The following PPME1 variants were observed in gnomAD, a reference collection of about 807,000 sequenced individuals.
The protein encoded by PPME1 is protein phosphatase methylesterase 1, also known as testicular secretory protein Li 39.
PPME1 carries 17 observed loss-of-function variants against 56.9 expected under a neutral mutation model. The observed-to-expected ratio is 0.30, with a 90% CI of 0.20 to 0.45. The LOEUF is 0.45. Among genes scored for constraint, PPME1 ranks in the 20% least tolerant of loss-of-function variants. PPME1 has a pLI of 1.00. For synonymous variants in PPME1, 122 were observed against 156.2 expected, an observed-to-expected ratio of 0.78 and a Z score of 1.63; for missense variants, 357 against 483.2, an observed-to-expected ratio of 0.74 and a Z score of 2.45.
At position 74,239,167 on chromosome 11, in the gene PPME1, T is replaced by C. The variant is rs768700784; in HGVS notation, c.745T>C (p.Ser249Pro). ...EGITSPEGSK[S>P]IVEGIIEEEE... ...AATTACAAGTCCAGAAGGCTCAAAA[T>C]CTATAGTGGAAGGAATCATAGAGGA... Residue 249 changes from serine (S) to proline (P), a missense_variant, in exon 9 of 14, where the codon TCT (serine) becomes CCT (proline). Transcript: ENST00000328257. The C allele has an allele frequency of 3.1e-6, 5 of 1,613,232 alleles. No individual in the cohort carries two copies. The African/African-American group carries it at 6.7e-5, about 22-fold the overall frequency.
chr11:74,222,258 G>C (rs1858818405), intron 3 of PPME1, 54 bp from the exon 4 acceptor site: 2 of 1,333,958 alleles, frequency 1.5e-6, no homozygotes, highest in Non-Finnish European at 2.1e-6. Flanking sequence ...ATTGGGAATT[G>C]GGTGAAATTT....
chr11:74,227,214 C>A (rs1858952842), intron 5 of PPME1, among the ~76,000 whole-genome samples: 2 of 152,254 alleles, frequency 1.3e-5, no homozygotes, highest in East Asian at 3.9e-4. Context: ...TAGCACCCTC[C>A]ATTAACATAG....
chr11:74,177,853 G>C (rs758858526), intron 1 of PPME1, among the ~76,000 whole-genome samples: 1 of 152,092 alleles, frequency 6.6e-6, no homozygotes, highest in Non-Finnish European at 1.5e-5. Context: ...CAGATTCCAA[G>C]TATTGACCTA....
At chr11:74,173,378 C>T (rs887982216) in intron 1 of PPME1, among the ~76,000 whole-genome samples, 1 of 151,886 alleles carries the variant, frequency 6.6e-6, no homozygotes, top group African/African-American at 2.4e-5. Context: ...ATTATACATT[C>T]CTTAGATAAG....
At chr11:74,186,254 T>A (rs779792357) in intron 1 of PPME1, among the ~76,000 whole-genome samples, 5 of 152,160 alleles carry the variant, frequency 3.3e-5, no homozygotes, top group Non-Finnish European at 7.4e-5. Flanking sequence ...TCATAATAGT[T>A]CTAAACCTTG....
At chr11:74,220,538 A>G (rs941290019) in intron 3 of PPME1, among the ~76,000 whole-genome samples, 2 of 152,206 alleles carry the variant, frequency 1.3e-5, no homozygotes, top group East Asian at 1.9e-4. Context: ...TGGCTCTGTC[A>G]CTTATTAGCT....
chr11:74,222,390 G>C, intron 4 of PPME1, 21 bp downstream of exon 4: 1 of 1,570,956 alleles, frequency 6.4e-7, no homozygotes, highest in Middle Eastern at 1.7e-4. Context: ...TTCTTAATTA[G>C]CCATTAACTG....
At chr11:74,224,156 A>G (rs1591051425) in intron 4 of PPME1, among the ~76,000 whole-genome samples, 2 of 148,656 alleles carry the variant, frequency 1.3e-5, no homozygotes, top group Admixed American at 1.3e-4. Flanking sequence ...TCAGCTTTCT[A>G]CATATGGCTA....
Position 74,251,664 on chromosome 11 carries a change from C to G in PPME1, c.1091C>G (p.Ala364Gly), listed in dbSNP as rs758544967. Residue 364 changes from alanine (A) to glycine (G), a missense_variant, in exon 13 of 14, where the codon GCC becomes GGC. Transcript: ENST00000328257. ...CATTTCCAGGTAGCTGAAGCTGTTG[C>G]CACTTTCCTGATCCGGCACAGGTTT... The part of the protein sequence containing the change: ...DAPDKVAEAV[A>G]TFLIRHRFAE... 3.1e-6 allele frequency: 5 copies of G among 1,613,628 alleles called. No individual in the cohort carries two copies. Among genetic ancestry groups the G allele is most frequent in the African/African-American group, 2.7e-5 (2 of 74,928 alleles).
chr11:74,234,228 C>T (rs1449663452), intron 7 of PPME1, among the ~76,000 whole-genome samples: 2 of 152,126 alleles, frequency 1.3e-5, no homozygotes, highest in Non-Finnish European at 2.9e-5. Flanking sequence ...TTTGGATAAA[C>T]TCAAATGCTT....
At chr11:74,220,175 A>G (rs766848996) in intron 3 of PPME1, among the ~76,000 whole-genome samples, 1 of 152,184 alleles carries the variant, frequency 6.6e-6, no homozygotes, top group African/African-American at 2.4e-5. Flanking sequence ...ATAAACCTCT[A>G]AGAACCTGTT....
intron 3 of PPME1, among the ~76,000 whole-genome samples, chr11:74,220,522 G>A (rs1429638250): frequency 1.3e-5 from 2 of 152,190 alleles, no homozygotes; most frequent in African/African-American, 4.8e-5. Flanking sequence ...GCTTGGATTT[G>A]AAAATTGGCT....
At chr11:74,208,960 A>G (rs1220316700) in intron 3 of PPME1, among the ~76,000 whole-genome samples, 1 of 152,212 alleles carries the variant, frequency 6.6e-6, no homozygotes, top group African/African-American at 2.4e-5. Context: ...TAGTTGTATA[A>G]TATATGATGA....
chr11:74,172,185 C>T (rs1165150135), intron 1 of PPME1, among the ~76,000 whole-genome samples: 1 of 151,952 alleles, frequency 6.6e-6, no homozygotes, highest in Non-Finnish European at 1.5e-5. Context: ...GAGAACATAG[C>T]CACGAAGATT....
At position 74,171,465 on chromosome 11, in the gene PPME1, C is replaced by G. The variant is rs763179389; in HGVS notation, c.44C>G (p.Ser15Cys). The part of the protein sequence containing the change: ...EKSMHLGRLP[S>C]RPPLPGSGGS... ...AGCATGCACCTCGGCCGCCTTCCCT[C>G]TCGCCCACCTCTACCCGGCAGCGGG... Residue 15 changes from serine (S) to cysteine (C), a missense_variant, in exon 1 of 14, where the codon TCT becomes TGT. Ser to Cys is a moderately radical substitution (Grantham distance 112). Around this residue, in one of 2 missense-constraint regions of PPME1, gnomAD observed 175 missense variants for 189.4 expected, o/e 0.92. Coordinates refer to ENST00000328257, the MANE Select transcript of PPME1 (RefSeq NM_016147.3). The G allele has an allele frequency of 1.9e-5, 30 of 1,613,324 alleles. No individual in the cohort carries two copies. Among genetic ancestry groups the G allele is most frequent in the African/African-American group, 4.0e-5 (3 of 74,920 alleles).
At chr11:74,184,361 G>A (rs1377461166) in intron 1 of PPME1, among the ~76,000 whole-genome samples, 1 of 152,090 alleles carries the variant, frequency 6.6e-6, no homozygotes, top group Non-Finnish European at 1.5e-5. Context: ...AGTAGGCTTG[G>A]GAGTGGAGCT....
intron 7 of PPME1, among the ~76,000 whole-genome samples, chr11:74,234,403 G>T (rs375440644): frequency 1.3e-5 from 2 of 152,302 alleles, no homozygotes; most frequent in East Asian, 3.9e-4. Context: ...AAAGATCCAA[G>T]ACTGAGTCTT....
chr11:74,177,259 G>A (rs1046652143), intron 1 of PPME1, among the ~76,000 whole-genome samples: 3 of 152,044 alleles, frequency 2.0e-5, no homozygotes, highest in African/African-American at 7.2e-5. Flanking sequence ...TTGGGAGTTG[G>A]AGACCAGCCT....
At chr11:74,220,224 G>A (rs767512531) in intron 3 of PPME1, among the ~76,000 whole-genome samples, 7 of 152,074 alleles carry the variant, frequency 4.6e-5, no homozygotes, top group Non-Finnish European at 1.5e-5. Flanking sequence ...TTTCCCAGCC[G>A]ACTTCTTAAG....
Sources: allele counts gnomAD v4.1 joint callset (sites outside exome capture counted in the v4.1 genomes callset), GRCh38; gene constraint gnomAD v4.1.1; regional missense constraint gnomAD v4.1.1; transcripts MANE v1.5; gene names NCBI Gene and HGNC (gene_info 2026-07-23, HGNC 2026-07-21).